Variants in TNRC6C observed in about 807,000 individuals in gnomAD.
TNRC6C encodes trinucleotide repeat containing adaptor 6C, also known as trinucleotide repeat-containing gene 6C protein.
In TNRC6C, 20 loss-of-function variants were observed where a neutral mutation model predicts 153.7. That is an observed-to-expected ratio of 0.13 (90% CI 0.09 to 0.19). TNRC6C has a LOEUF of 0.19. Among genes scored for constraint, TNRC6C ranks in the 10% least tolerant of loss-of-function variants. The probability of loss-of-function intolerance (pLI) is 1.00; values close to 1 mark genes in which losing one functional copy is unlikely to be tolerated. For missense variants in TNRC6C, 1,987 were observed against 2,172.0 expected (o/e 0.91, Z 1.69); for synonymous variants, 811 against 841.4 (o/e 0.96, Z 0.63).
rs539125517 is a variant in TNRC6C, at chr17:78,079,058, T to C, written c.3211-337T>C. ...GTGAGCTGAGATCGCACTACTGCAT[T>C]CCAGCCTGGGTGACAGAGCAAAACT... is the stretch of plus-strand genomic sequence containing the variant. On this transcript the variant is annotated intron_variant, in intron 9 of 19. Transcript: ENST00000301624. The surrounding 1 kb of genome is among the most constrained non-coding windows in gnomAD (Gnocchi z 4.3). 6.6e-6 allele frequency among the ~76,000 whole-genome samples: 1 copy of C among 151,562 alleles called. No individual in the cohort carries two copies. The highest frequency in any genetic ancestry group is 1.5e-5 in the Non-Finnish European group (1 of 67,882).
At chr17:78,043,717 C>A (rs1270518450) in intron 2 of TNRC6C, among the ~76,000 whole-genome samples, 1 of 152,166 alleles carries the variant, frequency 6.6e-6, no homozygotes. Flanking sequence ...TTCTCCACTT[C>A]TCCCCACCCC....
chr17:78,057,165 A>AT (rs1312025165), intron 3 of TNRC6C, among the ~76,000 whole-genome samples: 1 of 152,242 alleles, frequency 6.6e-6, no homozygotes, highest in Non-Finnish European at 1.5e-5. Flanking sequence ...ATTGTACAAC[A>AT]TATGGGGTTA....
intron 1 of TNRC6C, among the ~76,000 whole-genome samples, chr17:77,964,593 C>T (rs75913502): frequency 0.028 from 4,318 of 152,244 alleles, 86 homozygotes; most frequent in South Asian, 0.056. Context: ...AAGATCATTT[C>T]TTTTTAATTA....
intron 1 of TNRC6C, among the ~76,000 whole-genome samples, chr17:77,967,854 C>T (rs1411140360): frequency 2.0e-5 from 3 of 152,290 alleles, no homozygotes; most frequent in African/African-American, 4.8e-5. Flanking sequence ...TAGCATTATT[C>T]TGGATAGACT....
At position 78,049,236 on chromosome 17, in the gene TNRC6C, C is replaced by T; in HGVS notation, c.174C>T (p.Ser58=). 3 of 1,611,080 alleles carry T rather than the reference C, an allele frequency of 1.9e-6. No homozygotes were observed. Among genetic ancestry groups the T allele is most frequent in the Non-Finnish European group, 2.5e-6 (3 of 1,178,222 alleles). The change falls in exon 3 of 20, where the codon TCC becomes TCT. Residue 58 remains serine, a synonymous_variant. Coordinates refer to ENST00000301624, the Ensembl canonical transcript of TNRC6C. The surrounding 1 kb of genome is among the most constrained non-coding windows in gnomAD (Gnocchi z 4.1). The stretch of plus-strand genomic sequence containing the variant: ...GAGTGTGGGGTGTAGCCACAGGCTC[C>T]AGCTCTGGCCTGGCTCACTGCTCTG...
At chr17:78,059,673 C>G (rs781321722) in intron 3 of TNRC6C, among the ~76,000 whole-genome samples, 19 of 151,882 alleles carry the variant, frequency 1.3e-4, no homozygotes, top group African/African-American at 4.6e-4. Flanking sequence ...CCTAGTGAGA[C>G]CCACGTCTCT....
At chr17:78,000,361 T>C (rs139674445), upstream of TNRC6C, among the ~76,000 whole-genome samples, 1 of 152,236 alleles carries the variant, frequency 6.6e-6, no homozygotes, top group Non-Finnish European at 1.5e-5. Context: ...ATCCTTCTCA[T>C]ACTGCCCACA....
At chr17:78,073,243 G>A in intron 7 of TNRC6C, 149 bp downstream of exon 9, 1 of 573,026 alleles carries the variant, frequency 1.7e-6, no homozygotes, top group Non-Finnish European at 3.0e-6. Context: ...ACAACAAGCT[G>A]GAACCACAGA....
chr17:78,106,435 G>A (rs1413473680), exon 20 of TNRC6C: 3 of 150,570 alleles, frequency 2.0e-5, no homozygotes, highest in African/African-American at 4.9e-5. Flanking sequence ...TGCCGGACGC[G>A]CTCTCAGGAA....
At chr17:78,074,453 G>A (rs985863751) in intron 7 of TNRC6C, among the ~76,000 whole-genome samples, 27 of 152,184 alleles carry the variant, frequency 1.8e-4, no homozygotes, top group Non-Finnish European at 2.6e-4. Flanking sequence ...AATCGTGCAC[G>A]TGCGACAACG....
At chr17:77,987,184 G>A (rs1032231941) in intron 1 of TNRC6C, among the ~76,000 whole-genome samples, 2 of 152,090 alleles carry the variant, frequency 1.3e-5, no homozygotes, top group East Asian at 1.9e-4. Flanking sequence ...CTGAAGAGAC[G>A]GGCCAGGATA....
At chr17:77,982,837 A>C (rs2144112085) in intron 1 of TNRC6C, among the ~76,000 whole-genome samples, 1 of 152,356 alleles carries the variant, frequency 6.6e-6, no homozygotes, top group East Asian at 1.9e-4. Context: ...TGTCAAAAAA[A>C]AGGACAAGTT....
At chr17:78,069,220 T>C (rs1299039523) in intron 5 of TNRC6C, among the ~76,000 whole-genome samples, 1 of 149,472 alleles carries the variant, frequency 6.7e-6, no homozygotes, top group African/African-American at 2.5e-5. Flanking sequence ...AAAAAAAAAA[T>C]CAGCCAGAAA....
intron 16 of TNRC6C, among the ~76,000 whole-genome samples, 162 bp downstream of exon 19, chr17:78,098,023 G>A (rs2073519826): frequency 6.6e-6 from 1 of 152,214 alleles, no homozygotes; most frequent in African/African-American, 2.4e-5. Flanking sequence ...CAGGCACAGT[G>A]GGCACGCTGG....
intron 1 of TNRC6C, among the ~76,000 whole-genome samples, chr17:77,966,178 T>G (rs1373771129): frequency 6.6e-6 from 1 of 152,208 alleles, no homozygotes; most frequent in African/African-American, 2.4e-5. Flanking sequence ...AGTTATTGAC[T>G]GGATGAGTGC....
intron 13 of TNRC6C, 195 bp from the exon 16 acceptor site, chr17:78,091,245 G>A (rs2073387718): frequency 4.3e-6 from 2 of 461,814 alleles, no homozygotes; most frequent in Admixed American, 4.5e-5. Context: ...AGAATCGCTT[G>A]AACCTGGGAG....
intron 2 of TNRC6C, among the ~76,000 whole-genome samples, chr17:78,034,300 G>A (rs977475218): frequency 6.6e-6 from 1 of 151,732 alleles, no homozygotes; most frequent in Non-Finnish European, 1.5e-5. Flanking sequence ...CAGGTGATCC[G>A]CCTGCCTCAG....
intron 1 of TNRC6C, 84 bp downstream of exon 3, chr17:78,005,163 T>C: frequency 1.0e-6 from 1 of 975,236 alleles, no homozygotes; most frequent in Non-Finnish European, 1.3e-6. Flanking sequence ...TTTAAATTGA[T>C]GGTTAAAAAA....
chr17:77,961,454 C>A (rs1487263348), intron 1 of TNRC6C, among the ~76,000 whole-genome samples: 1 of 152,124 alleles, frequency 6.6e-6, no homozygotes, highest in Non-Finnish European at 1.5e-5. Flanking sequence ...CCACGCTCGG[C>A]CGGTTTTACT....
Sources: gnomAD v4.1 joint callset for allele counts (sites outside exome capture counted in the v4.1 genomes callset) on GRCh38, gnomAD v4.1.1 for gene constraint, Gnocchi (gnomAD v3.1) non-coding constraint, MANE v1.5 for transcripts, NCBI Gene and HGNC (gene_info 2026-07-23, HGNC 2026-07-21) for gene names.